SNURF: variants seen among roughly 807,000 people sequenced by gnomAD.
SNURF encodes SNURF protein.
In SNURF, 6 loss-of-function variants were observed where a neutral mutation model predicts 11.6. That is an observed-to-expected ratio of 0.52 (90% CI 0.28 to 1.02). The LOEUF is 1.02. SNURF is among the 50% of genes least tolerant of loss of function. The probability of loss-of-function intolerance (pLI) is 0.09; values close to 1 mark genes in which losing one functional copy is unlikely to be tolerated. For synonymous variants in SNURF, 29 were observed against 31.6 expected (o/e 0.92, Z 0.27); for missense variants, 84 against 88.4 (o/e 0.95, Z 0.20).
At chr15:24,960,811 A>G (rs937834120) in intron 1 of SNURF, among the ~76,000 whole-genome samples, 1 of 152,204 alleles carries the variant, frequency 6.6e-6, no homozygotes, top group Non-Finnish European at 1.5e-5. Context: ...TGTGAGTGAC[A>G]TACAAAAGCT....
chr15:24,969,258 A>G (rs1450231564), downstream of SNURF, among the ~76,000 whole-genome samples: 3 of 152,044 alleles, frequency 2.0e-5, no homozygotes, highest in African/African-American at 7.2e-5. Flanking sequence ...CCTCCCAAGT[A>G]TCTGGGATTA....
At chr15:24,976,173 C>T in intron 4 of SNURF, 11 of 708,798 alleles carry the variant, frequency 1.6e-5, no homozygotes, top group Admixed American at 1.0e-4. Flanking sequence ...TATTTTTTGG[C>T]TTGTTTTTCA....
At chr15:24,969,084 A>C (rs146441518), downstream of SNURF, among the ~76,000 whole-genome samples, 2 of 151,970 alleles carry the variant, frequency 1.3e-5, no homozygotes, top group South Asian at 2.1e-4. Context: ...TTATCCTTCA[A>C]CTTGAATCAG....
chr15:24,964,216 T>A (rs1026280384), intron 2 of SNURF, among the ~76,000 whole-genome samples: 1 of 152,216 alleles, frequency 6.6e-6, no homozygotes, highest in African/African-American at 2.4e-5. Context: ...TGTTTGTATA[T>A]TGGTAAATAT....
At position 24,961,699 on chromosome 15, in the gene SNURF, G is replaced by A. The variant is rs143901597; in HGVS notation, c.15-415G>A. On this transcript the variant is annotated intron_variant, in intron 1 of 2. Coordinates refer to ENST00000577949, the Ensembl canonical transcript of SNURF. ...AACTATGTTCTATTCCACTATATAA[G>A]TATGTCTACTGTATCCTAAAAATAT... Among the ~76,000 whole-genome samples the A allele has an allele frequency of 2.2e-3, 332 of 152,166 alleles. 1 individual carries two copies. Among genetic ancestry groups the A allele is most frequent in the African/African-American group, 7.4e-3 (308 of 41,526 alleles).
downstream of SNURF, chr15:24,978,227 C>T (rs767568767): frequency 6.2e-7 from 1 of 1,614,002 alleles, no homozygotes; most frequent in Non-Finnish European, 8.5e-7. Flanking sequence ...TGAGACCACC[C>T]ATGGGCCCAC....
At chr15:24,962,060 T>G in intron 1 of SNURF, 54 bp from the exon 2 acceptor site, 1 of 1,370,902 alleles carries the variant, frequency 7.3e-7, no homozygotes, top group East Asian at 2.3e-5. Flanking sequence ...GACAAATAGT[T>G]ATTTCATAGA....
chr15:24,967,878 C>T, intron 2 of SNURF, 54 bp from the exon 3 acceptor site: 3 of 1,451,450 alleles, frequency 2.1e-6, no homozygotes, highest in Non-Finnish European at 2.9e-6. Context: ...CATATGGTTT[C>T]CTATAAAGAC....
At chr15:24,957,674 T>A (rs1436728605) in intron 1 of SNURF, among the ~76,000 whole-genome samples, 1 of 152,254 alleles carries the variant, frequency 6.6e-6, no homozygotes, top group Admixed American at 6.5e-5. Flanking sequence ...TGGAATAATC[T>A]ATTTTTGGGT....
chr15:24,969,565 A>G (rs566354490), downstream of SNURF, among the ~76,000 whole-genome samples: 1 of 152,182 alleles, frequency 6.6e-6, no homozygotes, highest in Non-Finnish European at 1.5e-5. Flanking sequence ...TCCCTTGAGT[A>G]AGGGAATTTT....
downstream of SNURF, chr15:24,978,327 G>A (rs2153722216): frequency 1.2e-6 from 2 of 1,614,074 alleles, no homozygotes; most frequent in Non-Finnish European, 1.7e-6. Flanking sequence ...AGGTGAGTGG[G>A]AGCATAGGGG....
downstream of SNURF, among the ~76,000 whole-genome samples, chr15:24,973,063 T>G (rs1444971255): frequency 1.3e-5 from 2 of 152,094 alleles, no homozygotes; most frequent in Non-Finnish European, 2.9e-5. Flanking sequence ...AATGTTTGTA[T>G]TTTTAGTAGA....
downstream of SNURF, chr15:24,968,648 C>T (rs2076004418): frequency 6.6e-6 from 1 of 152,662 alleles, no homozygotes; most frequent in Non-Finnish European, 1.5e-5. Flanking sequence ...TGGTTTATGT[C>T]AGTGAATTAT....
chr15:24,978,565 T>C, downstream of SNURF: 1 of 908,914 alleles, frequency 1.1e-6, no homozygotes, highest in Non-Finnish European at 1.8e-6. Context: ...AATAAATGCA[T>C]AGAGCAATTA....
chr15:24,978,507 G>C (rs1312879383), downstream of SNURF: 4 of 1,444,302 alleles, frequency 2.8e-6, no homozygotes, highest in African/African-American at 5.6e-5. Flanking sequence ...ATTGTGTAGA[G>C]TGTTTGTGAG....
At chr15:24,957,874 C>CT (rs2063182387) in intron 1 of SNURF, among the ~76,000 whole-genome samples, 1 of 152,114 alleles carries the variant, frequency 6.6e-6, no homozygotes, top group Non-Finnish European at 1.5e-5. Flanking sequence ...GCCCGGGATC[C>CT]TAATATGGCA....
chr15:24,958,253 CTTTG>C (rs897702709), intron 1 of SNURF, among the ~76,000 whole-genome samples: 6 of 152,062 alleles, frequency 3.9e-5, no homozygotes, highest in East Asian at 3.8e-4. Context: ...AGATAACCTC[CTTTG>C]TTTATCAGCG....
At chr15:24,955,129 T>G (rs1190992384) in intron 1 of SNURF, 67 bp downstream of exon 1, 1 of 1,606,072 alleles carries the variant, frequency 6.2e-7, no homozygotes, top group Admixed American at 1.7e-5. Flanking sequence ...TCATCAGATA[T>G]TCCAAGTTTT....
At chr15:24,968,107 A>G (rs564236427) in exon 3 of SNURF, 5 of 1,289,408 alleles carry the variant, frequency 3.9e-6, no homozygotes, top group South Asian at 1.2e-5. Context: ...AGCAATGATC[A>G]AGAATAAAGA....
Sources: allele counts gnomAD v4.1 joint callset (sites outside exome capture counted in the v4.1 genomes callset), GRCh38; gene constraint gnomAD v4.1.1; transcripts MANE v1.5; gene names NCBI Gene and HGNC (gene_info 2026-07-23, HGNC 2026-07-21).